CNTNAP4: variants seen among roughly 807,000 people sequenced by gnomAD.
The protein encoded by CNTNAP4 is contactin associated protein family member 4, also known as contactin-associated protein-like 4.
CNTNAP4 carries 98 observed loss-of-function variants against 148.4 expected under a neutral mutation model. The observed-to-expected ratio is 0.66, with a 90% confidence interval of 0.56 to 0.78. The LOEUF (loss-of-function observed/expected upper bound fraction) is 0.78, where lower values mean the gene tolerates loss of function less well. Ranked by LOEUF, CNTNAP4 falls within the 30% of genes least tolerant of loss-of-function variation. The pLI is 0.00. For synonymous variants in CNTNAP4, 730 were observed against 565.1 expected, an observed-to-expected ratio of 1.29 and a Z score of -4.14; for missense variants, 1,935 against 1,565.6, an observed-to-expected ratio of 1.24 and a Z score of -3.98.
chr16:76,450,390 T>G (rs905656746), intron 7 of CNTNAP4, among the ~76,000 whole-genome samples: 2 of 152,178 alleles, frequency 1.3e-5, no homozygotes, highest in Non-Finnish European at 2.9e-5. Context: ...CCTTGGGTGA[T>G]CCGCCTGCCT....
intron 3 of CNTNAP4, among the ~76,000 whole-genome samples, chr16:76,374,389 A>G (rs1306774639): frequency 6.6e-6 from 1 of 152,168 alleles, no homozygotes; most frequent in East Asian, 1.9e-4. Context: ...CCATCTTTGT[A>G]CTCTACCCTG....
intron 15 of CNTNAP4, among the ~76,000 whole-genome samples, chr16:76,500,991 A>G (rs1333104106): frequency 6.6e-6 from 1 of 152,208 alleles, no homozygotes; most frequent in South Asian, 2.1e-4. Context: ...ACAACAGAAT[A>G]AGAGGGAATC....
intron 4 of CNTNAP4, among the ~76,000 whole-genome samples, chr16:76,435,070 A>T (rs1205175313): frequency 6.6e-6 from 1 of 152,118 alleles, no homozygotes; most frequent in Non-Finnish European, 1.5e-5. Context: ...TCGGGGAAGG[A>T]TAGGAGAAAG....
At chr16:76,471,334 G>A (rs1315504243) in intron 10 of CNTNAP4, among the ~76,000 whole-genome samples, 1 of 152,170 alleles carries the variant, frequency 6.6e-6, no homozygotes, top group Admixed American at 6.5e-5. Context: ...AAAGTTGCTT[G>A]GACGTAAAAC....
rs149856190 is a variant in CNTNAP4 at position 76,426,620 on chromosome 16, G to C, written c.391-832G>C. 4.9e-3 allele frequency among the ~76,000 whole-genome samples: 745 copies of C among 152,260 alleles called. 4 individuals are homozygous for C. The highest frequency in any genetic ancestry group is 0.02 in the Middle Eastern group (6 of 294). On this transcript the variant is annotated intron_variant, in intron 3 of 23. Coordinates refer to ENST00000611870, the MANE Select transcript of CNTNAP4 (RefSeq NM_033401.5). ...GGGGCTGCAGTATGTGGGTTTTACA[G>C]GTAAGCTACCTATTATGTCGATGCA...
chr16:76,350,051 G>A (rs1965241939), intron 2 of CNTNAP4, among the ~76,000 whole-genome samples: 1 of 151,990 alleles, frequency 6.6e-6, no homozygotes, highest in African/African-American at 2.4e-5. Flanking sequence ...AAATATTGGT[G>A]ATATTTAGTA....
intron 3 of CNTNAP4, among the ~76,000 whole-genome samples, chr16:76,400,166 C>G (rs943260674): frequency 6.6e-6 from 1 of 152,078 alleles, no homozygotes; most frequent in African/African-American, 2.4e-5. Context: ...GATGAAGGAG[C>G]CAGTCAAGGC....
In CNTNAP4 at chr16:76,498,571, A is replaced by T. The variant is rs201275602; in HGVS notation, c.2242A>T (p.Asn748Tyr). The T allele has an allele frequency of 1.2e-6, 2 of 1,610,102 alleles. No individual in the cohort carries two copies. The highest frequency in any genetic ancestry group is 2.2e-5 in the South Asian group (2 of 89,890). ...NCDADRNEWT[N>Y]DTGLLAYKEH... Reference sequence around the variant, plus strand: ...GTTGTTGCTATTGTTTTTTAGGACCAATGACACTGGATTGCTTGCTTATAA... The same window carrying T: ...GTTGTTGCTATTGTTTTTTAGGACCTATGACACTGGATTGCTTGCTTATAA... Residue 748 changes from asparagine (N) to tyrosine (Y), a missense_variant, in exon 15 of 24, where the codon AAT becomes TAT. By Grantham distance (143) the Asn-to-Tyr change is moderately radical (BLOSUM62 -2). Coordinates refer to ENST00000611870, the MANE Select transcript of CNTNAP4 (RefSeq NM_033401.5).
At chr16:76,488,692 ACT>A (rs2082110452) in intron 12 of CNTNAP4, among the ~76,000 whole-genome samples, 1 of 152,046 alleles carries the variant, frequency 6.6e-6, no homozygotes, top group Non-Finnish European at 1.5e-5. Flanking sequence ...GACAACTTTC[ACT>A]CTGTTTTCTT....
At chr16:76,366,224 T>C (rs987562837) in intron 3 of CNTNAP4, among the ~76,000 whole-genome samples, 1 of 152,198 alleles carries the variant, frequency 6.6e-6, no homozygotes, top group Non-Finnish European at 1.5e-5. Flanking sequence ...GATTATTTTG[T>C]CAGCCAGGTA....
intron 2 of CNTNAP4, among the ~76,000 whole-genome samples, chr16:76,322,214 T>C (rs1962494511): frequency 6.6e-6 from 1 of 152,210 alleles, no homozygotes. Flanking sequence ...TGGCATGTGA[T>C]TTGTTAGCAC....
intron 3 of CNTNAP4, among the ~76,000 whole-genome samples, chr16:76,419,529 C>A (rs557388033): frequency 6.6e-6 from 1 of 152,020 alleles, no homozygotes; most frequent in Non-Finnish European, 1.5e-5. Flanking sequence ...AGTCTACACT[C>A]AGTTTCCAGA....
chr16:76,334,476 A>G (rs910233267), intron 2 of CNTNAP4, among the ~76,000 whole-genome samples: 7 of 152,294 alleles, frequency 4.6e-5, no homozygotes, highest in African/African-American at 1.7e-4. Context: ...CTCTGATGAA[A>G]AAGTAGAATG....
At chr16:76,304,014 C>T (rs1960240023) in intron 1 of CNTNAP4, among the ~76,000 whole-genome samples, 1 of 152,060 alleles carries the variant, frequency 6.6e-6, no homozygotes, top group Non-Finnish European at 1.5e-5. Flanking sequence ...CACTTTTATT[C>T]AGTTCCAACT....
At chr16:76,326,908 C>T (rs990637654) in intron 2 of CNTNAP4, among the ~76,000 whole-genome samples, 7 of 151,870 alleles carry the variant, frequency 4.6e-5, no homozygotes, top group African/African-American at 1.7e-4. Context: ...ATGTAACAAA[C>T]CTGCACGTTG....
chr16:76,316,330 T>A (rs1230469069), intron 1 of CNTNAP4, 83 bp from the exon 2 acceptor site: 1 of 841,384 alleles, frequency 1.2e-6, no homozygotes, highest in East Asian at 2.6e-5. Flanking sequence ...TGTTGTTGTT[T>A]TACTTGTTGG....
chr16:76,374,109 T>G (rs1376139826), intron 3 of CNTNAP4, among the ~76,000 whole-genome samples: 1 of 152,206 alleles, frequency 6.6e-6, no homozygotes, highest in African/African-American at 2.4e-5. Flanking sequence ...ACTGAAACGT[T>G]GTCTCCCTTT....
intron 8 of CNTNAP4, among the ~76,000 whole-genome samples, chr16:76,460,181 C>G (rs1237234074): frequency 6.6e-6 from 1 of 152,038 alleles, no homozygotes; most frequent in Non-Finnish European, 1.5e-5. Context: ...AATCTCGGCT[C>G]ACCGCAACCT....
intron 17 of CNTNAP4, among the ~76,000 whole-genome samples, chr16:76,531,420 C>T (rs777143720): frequency 5.9e-5 from 9 of 152,218 alleles, no homozygotes; most frequent in Middle Eastern, 3.4e-3. Context: ...TGCAGGCCCT[C>T]AATACCATTG....
Sources: allele counts gnomAD v4.1 joint callset (sites outside exome capture counted in the v4.1 genomes callset), GRCh38; gene constraint gnomAD v4.1.1; transcripts MANE v1.5; gene names NCBI Gene and HGNC (gene_info 2026-07-23, HGNC 2026-07-21).